EDIL3: variants seen among roughly 807,000 people sequenced by gnomAD.
EDIL3 encodes the protein EGF like and discoidin domains 3, also known as EGF-like repeat and discoidin I-like domain-containing protein 3.
Under a neutral mutation model 67.4 loss-of-function variants are expected in EDIL3, and 37 were observed. The ratio of observed to expected loss-of-function variants is 0.55; its 90% CI spans 0.42 to 0.72. EDIL3 has a LOEUF of 0.72. EDIL3 is among the 30% of genes least tolerant of loss of function. The pLI is 0.00. For synonymous variants in EDIL3, 195 were observed against 196.3 expected (o/e 0.99, Z 0.05); for missense variants, 527 against 586.3 (o/e 0.90, Z 1.04).
At chr5:84,116,655 G>T (rs1384522863) in intron 5 of EDIL3, among the ~76,000 whole-genome samples, 2 of 152,080 alleles carry the variant, frequency 1.3e-5, no homozygotes, top group African/African-American at 2.4e-5. Context: ...AAATAAAATT[G>T]CCACAAATGT....
chr5:83,940,775 C>A lies in EDIL3; in HGVS notation c.*2644G>T, dbSNP rs1414566168. The A allele has an allele frequency of 6.6e-6, 1 of 151,902 alleles. No homozygotes were observed. The highest frequency in any genetic ancestry group is 1.5e-5 in the Non-Finnish European group (1 of 67,876). 9.4% of individuals were successfully genotyped at this position (151,902 alleles called of 1,614,324 possible). The stretch of plus-strand genomic sequence containing the variant: ...TTTCTGCACTTAATGACACATCAGA[C>A]GCATTGAGTATATTTCATAAGTTGT... On this transcript the variant is annotated 3_prime_UTR_variant, in exon 11 of 11. Coordinates refer to ENST00000296591, the MANE Select transcript of EDIL3 (RefSeq NM_005711.5).
intron 3 of EDIL3, among the ~76,000 whole-genome samples, chr5:84,185,131 G>GA (rs1749086412): frequency 6.6e-6 from 1 of 152,106 alleles, no homozygotes; most frequent in Non-Finnish European, 1.5e-5. Flanking sequence ...ATATCCATCT[G>GA]AAAAAGCATA....
At position 84,106,690 on chromosome 5, in the gene EDIL3, C is replaced by A. The variant is rs745343821; in HGVS notation, c.610G>T (p.Ala204Ser). The change falls in exon 6 of 11, where the codon GCG becomes TCG. Residue 204 changes from alanine to serine, a missense_variant. Ala to Ser is a moderately conservative substitution (Grantham distance 99). Coordinates refer to ENST00000296591, the MANE Select transcript of EDIL3 (RefSeq NM_005711.5). ...CTGTCATTTTCTGCAGCTGTCCACG[C>A]ATTTATAAGCCCCTTCTTATTAAGA... is the stretch of plus-strand genomic sequence containing the variant. Reference protein sequence around the residue: ...ARLNKKGLINAWTAAENDRWP... With the variant: ...ARLNKKGLINSWTAAENDRWP... The A allele has an allele frequency of 6.2e-7, 1 of 1,611,618 alleles. No homozygotes were observed. Among genetic ancestry groups the A allele is most frequent in the South Asian group, 1.1e-5 (1 of 90,568 alleles).
At chr5:84,213,196 T>A (rs1580380096) in intron 3 of EDIL3, among the ~76,000 whole-genome samples, 1 of 152,072 alleles carries the variant, frequency 6.6e-6, no homozygotes, top group Admixed American at 6.6e-5. Flanking sequence ...CAGTGGTTTT[T>A]TTTTTTTGAC....
intron 1 of EDIL3, among the ~76,000 whole-genome samples, chr5:84,312,358 A>G (rs1306574738): frequency 7.6e-6 from 1 of 131,400 alleles, no homozygotes; most frequent in Non-Finnish European, 1.6e-5. Flanking sequence ...TCCCTCCCGG[A>G]CGGGGCGGCT....
intron 2 of EDIL3, among the ~76,000 whole-genome samples, chr5:84,243,565 C>G (rs549027114): frequency 2.0e-5 from 3 of 152,270 alleles, no homozygotes; most frequent in Admixed American, 2.0e-4. Flanking sequence ...GGTTTGATTT[C>G]ACAATGAAAC....
Position 84,043,283 on chromosome 5 carries a change from G to T in EDIL3, c.1137+17017C>A, listed in dbSNP as rs557117583. Among the ~76,000 whole-genome samples, 21 of 152,256 alleles carry T rather than the reference G, an allele frequency of 1.4e-4. No individual in the cohort carries two copies. The East Asian group carries it at 3.5e-3, about 25-fold the overall frequency. On this transcript the variant is annotated intron_variant, in intron 9 of 10. Transcript: ENST00000296591. ...ACTCATTTTATTCATGACAGGGGTC[G>T]ACTATTCCTCAGGTATATCTGGGTT...
At chr5:84,371,450 T>G (rs77772283) in intron 1 of EDIL3, among the ~76,000 whole-genome samples, 9,288 of 103,782 alleles carry the variant, frequency 0.089, 327 homozygotes, top group East Asian at 0.15. Flanking sequence ...TATATATATA[T>G]AGAGAGAGAG....
chr5:84,117,210 T>G (rs1248227824), intron 5 of EDIL3, among the ~76,000 whole-genome samples: 2 of 151,918 alleles, frequency 1.3e-5, no homozygotes, highest in Non-Finnish European at 2.9e-5. Context: ...TTTTGTATTT[T>G]TAGTAGAGAC....
At chr5:84,063,795 G>C (rs556872592) in intron 8 of EDIL3, among the ~76,000 whole-genome samples, 1 of 151,894 alleles carries the variant, frequency 6.6e-6, no homozygotes, top group South Asian at 2.1e-4. Flanking sequence ...CTCACTTCAG[G>C]GTTACACTAA....
intron 1 of EDIL3, among the ~76,000 whole-genome samples, chr5:84,275,588 T>C (rs1267754678): frequency 1.3e-5 from 2 of 152,196 alleles, no homozygotes; most frequent in African/African-American, 4.8e-5. Context: ...TATTTCCAAC[T>C]GAATTGGTTT....
intron 6 of EDIL3, among the ~76,000 whole-genome samples, chr5:84,092,036 G>GC (rs1247411003): frequency 6.6e-6 from 1 of 152,110 alleles, no homozygotes; most frequent in Non-Finnish European, 1.5e-5. Context: ...TAGGAACTCA[G>GC]CGTGCTAACT....
intron 9 of EDIL3, among the ~76,000 whole-genome samples, chr5:84,043,598 TG>T (rs1746170409): frequency 6.6e-6 from 1 of 152,104 alleles, no homozygotes; most frequent in African/African-American, 2.4e-5. Context: ...CATGAAAAAA[TG>T]GAACTCAACA....
chr5:84,329,909 A>G (rs1259704788), intron 1 of EDIL3, among the ~76,000 whole-genome samples: 4 of 152,222 alleles, frequency 2.6e-5, no homozygotes, highest in East Asian at 3.9e-4. Flanking sequence ...AACCTGTCCA[A>G]TATTATATAA....
chr5:84,016,092 G>T (rs1255638188), intron 9 of EDIL3, among the ~76,000 whole-genome samples: 1 of 152,018 alleles, frequency 6.6e-6, no homozygotes, highest in Admixed American at 6.6e-5. Flanking sequence ...CCTTCTTTGT[G>T]TTCATGAGTT....
chr5:84,374,522 A>G (rs1223452371), intron 1 of EDIL3, among the ~76,000 whole-genome samples: 3 of 152,246 alleles, frequency 2.0e-5, no homozygotes, highest in Non-Finnish European at 4.4e-5. Context: ...ATAATAATGC[A>G]TGTGGAGGTA....
intron 4 of EDIL3, among the ~76,000 whole-genome samples, chr5:84,171,667 C>T (rs1209954363): frequency 6.6e-6 from 1 of 152,122 alleles, no homozygotes; most frequent in South Asian, 2.1e-4. Context: ...TTATAATAAC[C>T]TATCCCAAGC....
intron 4 of EDIL3, among the ~76,000 whole-genome samples, chr5:84,142,849 C>G (rs1388807933): frequency 1.5e-5 from 2 of 135,962 alleles, no homozygotes; most frequent in Admixed American, 1.5e-4. Flanking sequence ...TTTTCTTTTG[C>G]GAAGACAAAT....
chr5:84,138,466 G>A (rs190493595), intron 4 of EDIL3, among the ~76,000 whole-genome samples: 4 of 152,208 alleles, frequency 2.6e-5, no homozygotes, highest in Admixed American at 6.5e-5. Context: ...CAAAACAATA[G>A]AAATAGTCAT....
Sources: gnomAD v4.1 joint callset for allele counts (sites outside exome capture counted in the v4.1 genomes callset) on GRCh38, gnomAD v4.1.1 for gene constraint, MANE v1.5 for transcripts, NCBI Gene and HGNC (gene_info 2026-07-23, HGNC 2026-07-21) for gene names.